FRMD4B: variants seen among roughly 807,000 people sequenced by gnomAD.
The protein encoded by FRMD4B is FERM domain containing 4B, also known as FERM domain-containing protein 4B.
Under a neutral mutation model 141.5 loss-of-function variants are expected in FRMD4B, and 74 were observed. The observed-to-expected ratio is 0.52, with a 90% CI of 0.43 to 0.63. The LOEUF is 0.63. Ranked by LOEUF, FRMD4B falls within the 30% of genes least tolerant of loss-of-function variation. FRMD4B has a pLI of 0.00. For missense variants in FRMD4B, 1,366 were observed against 1,253.4 expected (o/e 1.09, Z -1.36); for synonymous variants, 506 against 467.9 (o/e 1.08, Z -1.05).
rs2092587287 is a variant in FRMD4B, at chr3:69,171,624, G to C, written c.*237C>G. The C allele has an allele frequency of 2.4e-6, 1 of 421,444 alleles. No homozygotes were observed. Among genetic ancestry groups the C allele is most frequent in the African/African-American group, 2.0e-5 (1 of 49,562 alleles). 26.1% of individuals were successfully genotyped at this position (421,444 alleles called of 1,614,324 possible). On this transcript the variant is annotated 3_prime_UTR_variant, in exon 23 of 23. Transcript: ENST00000398540. ...TCCTCTCTTGGCAATACTTCAACATGTGGGCAGACCCTACAGTTACGTTAG... is the reference window on the plus strand; with the variant it reads ...TCCTCTCTTGGCAATACTTCAACATCTGGGCAGACCCTACAGTTACGTTAG...
At chr3:69,358,614 T>C (rs1575762629) in intron 1 of FRMD4B, among the ~76,000 whole-genome samples, 1 of 152,120 alleles carries the variant, frequency 6.6e-6, no homozygotes, top group South Asian at 2.1e-4. Context: ...CATGCGCCTA[T>C]AGTCCCAGAT....
intron 11 of FRMD4B, chr3:69,199,004 C>G: frequency 6.5e-6 from 3 of 459,080 alleles, no homozygotes; most frequent in Non-Finnish European, 1.2e-5. Flanking sequence ...GGCGCGGTGG[C>G]TCACGCCTGT....
intron 7 of FRMD4B, among the ~76,000 whole-genome samples, chr3:69,247,650 C>G (rs2093433831): frequency 3.9e-5 from 6 of 152,066 alleles, no homozygotes; most frequent in Admixed American, 3.9e-4. Context: ...CCATGCCCAG[C>G]TAATTTTCTT....
intron 1 of FRMD4B, among the ~76,000 whole-genome samples, chr3:69,375,768 C>T (rs1344101014): frequency 5.9e-5 from 9 of 152,066 alleles, no homozygotes; most frequent in South Asian, 2.1e-4. Context: ...ATAATAAGTA[C>T]ATAAAATCAA....
chr3:69,487,539 G>T (rs1362339947), intron 1 of FRMD4B, among the ~76,000 whole-genome samples: 1 of 152,228 alleles, frequency 6.6e-6, no homozygotes, highest in Non-Finnish European at 1.5e-5. Context: ...ACTGGTGGAG[G>T]CAGGAGGAAT....
At chr3:69,268,125 A>T (rs2093576625) in intron 5 of FRMD4B, among the ~76,000 whole-genome samples, 1 of 151,962 alleles carries the variant, frequency 6.6e-6, no homozygotes, top group Non-Finnish European at 1.5e-5. Flanking sequence ...AGGAAGAATG[A>T]GGCTGTCACA....
At chr3:69,486,352 C>T (rs1174850607) in intron 1 of FRMD4B, among the ~76,000 whole-genome samples, 1 of 152,158 alleles carries the variant, frequency 6.6e-6, no homozygotes, top group East Asian at 1.9e-4. Context: ...TATTTGTGGT[C>T]TTTTATCCCT....
chr3:69,440,291 AC>A (rs1436809918), intron 1 of FRMD4B, among the ~76,000 whole-genome samples: 3 of 152,232 alleles, frequency 2.0e-5, no homozygotes, highest in Middle Eastern at 3.2e-3. Flanking sequence ...TTGTAACAAT[AC>A]CATTTACTTT....
chr3:69,404,281 TC>T (rs1461394465), intron 2 of FRMD4B, among the ~76,000 whole-genome samples: 1 of 152,150 alleles, frequency 6.6e-6, no homozygotes, highest in Non-Finnish European at 1.5e-5. Context: ...CCATAAGATT[TC>T]TCTCCAATAA....
At chr3:69,531,493 AAAATCACTTAAGTGAAAC>A (rs755218172) in intron 1 of FRMD4B, among the ~76,000 whole-genome samples, 4 of 152,242 alleles carry the variant, frequency 2.6e-5, no homozygotes, top group Non-Finnish European at 5.9e-5. Flanking sequence ...ATTACCTGGA[AAAATCACTTAAGTGAAAC>A]AAATCACTTA....
intron 1 of FRMD4B, among the ~76,000 whole-genome samples, chr3:69,372,592 G>A (rs774785621): frequency 2.2e-4 from 34 of 152,320 alleles, no homozygotes; most frequent in Non-Finnish European, 4.9e-4. Flanking sequence ...CGGAACCTGG[G>A]AGGTGGAGGT....
At chr3:69,242,864 G>A (rs1235269243) in intron 7 of FRMD4B, among the ~76,000 whole-genome samples, 11 of 151,574 alleles carry the variant, frequency 7.3e-5, no homozygotes, top group Admixed American at 7.3e-4. Context: ...CGTGGTGGTG[G>A]GCACATGTAA....
intron 5 of FRMD4B, among the ~76,000 whole-genome samples, chr3:69,281,407 A>C (rs1265827099): frequency 1.3e-5 from 2 of 152,206 alleles, no homozygotes; most frequent in African/African-American, 4.8e-5. Flanking sequence ...CCCCCTAGTC[A>C]AATTATACAT....
intron 3 of FRMD4B, among the ~76,000 whole-genome samples, chr3:69,304,483 C>CAAAAAAAAAAAAAAAAAAA (rs1313360753): frequency 1.5e-5 from 1 of 67,598 alleles, no homozygotes; most frequent in Non-Finnish European, 3.0e-5. Flanking sequence ...GATTCTATCT[C>CAAAAAAAAAAAAAAAAAAA]AAAAAAAAAA....
rs374751378 is a variant in FRMD4B at position 69,508,453 on chromosome 3, C to A, written c.-129+33753G>T. On this transcript the variant is annotated intron_variant, in intron 1 of 5. Transcript: ENST00000459638. ...CTGTTGGGACAAATTACATGGCTTC[C>A]AACGTGGTTGCTCCAGCTATTATTT... is the stretch of plus-strand genomic sequence containing the variant. Among the ~76,000 whole-genome samples the A allele has an allele frequency of 3.9e-5, 6 of 152,106 alleles. No homozygotes were observed. The South Asian group carries it at 8.3e-4, about 21-fold the overall frequency.
At chr3:69,333,688 T>A (rs1702451817) in intron 1 of FRMD4B, among the ~76,000 whole-genome samples, 1 of 152,218 alleles carries the variant, frequency 6.6e-6, no homozygotes, top group Admixed American at 6.5e-5. Context: ...TTCTTCTGAT[T>A]ACATAATAAA....
chr3:69,380,804 C>T (rs1368559472), intron 1 of FRMD4B, among the ~76,000 whole-genome samples: 1 of 152,168 alleles, frequency 6.6e-6, no homozygotes, highest in East Asian at 1.9e-4. Context: ...GCAAGAAATT[C>T]TATCTTTGGG....
intron 22 of FRMD4B, 127 bp downstream of exon 22, chr3:69,176,397 T>G (rs1394622117): frequency 2.8e-6 from 2 of 712,128 alleles, no homozygotes; most frequent in Non-Finnish European, 4.9e-6. Flanking sequence ...AGATGGCAGC[T>G]GGAGTTGGCC....
At chr3:69,366,924 A>G (rs1308285159) in intron 1 of FRMD4B, among the ~76,000 whole-genome samples, 3 of 151,990 alleles carry the variant, frequency 2.0e-5, no homozygotes, top group African/African-American at 4.8e-5. Flanking sequence ...TGTTGCCACT[A>G]TGCCCGACTA....
Sources: gnomAD v4.1 joint callset for allele counts (sites outside exome capture counted in the v4.1 genomes callset) on GRCh38, gnomAD v4.1.1 for gene constraint, MANE v1.5 for transcripts, NCBI Gene and HGNC (gene_info 2026-07-23, HGNC 2026-07-21) for gene names.